SDCCAG8: variants seen among roughly 807,000 people sequenced by gnomAD.
SDCCAG8 encodes serologically defined colon cancer antigen 8.
SDCCAG8 carries 74 observed loss-of-function variants against 101.8 expected under a neutral mutation model. The ratio of observed to expected loss-of-function variants is 0.73; its 90% CI spans 0.60 to 0.88. SDCCAG8 has a LOEUF of 0.88. Among genes scored for constraint, SDCCAG8 ranks in the 40% least tolerant of loss-of-function variants. SDCCAG8 has a pLI of 0.00. For synonymous variants in SDCCAG8, 281 were observed against 292.9 expected, an observed-to-expected ratio of 0.96 and a Z score of 0.41; for missense variants, 787 against 822.6, an observed-to-expected ratio of 0.96 and a Z score of 0.53.
At chr1:243,260,041 G>C (rs183796716) in intron 1 of SDCCAG8, among the ~76,000 whole-genome samples, 1 of 152,292 alleles carries the variant, frequency 6.6e-6, no homozygotes, top group African/African-American at 2.4e-5. Context: ...ACACTTTTCA[G>C]TGGATTTGCT....
At chr1:243,407,215 G>A (rs530195457) in intron 13 of SDCCAG8, among the ~76,000 whole-genome samples, 124 of 152,316 alleles carry the variant, frequency 8.1e-4, no homozygotes, top group Non-Finnish European at 1.2e-3. Context: ...AACCCATCAT[G>A]TGAGGCAGTG....
chr1:243,385,209 G>A (rs2078200745), intron 13 of SDCCAG8, among the ~76,000 whole-genome samples: 1 of 152,032 alleles, frequency 6.6e-6, no homozygotes, highest in Admixed American at 6.6e-5. Context: ...GGGCAACGTG[G>A]CGAAACCCCA....
chr1:243,403,038 CAGTT>C (rs1168376359), intron 13 of SDCCAG8, among the ~76,000 whole-genome samples: 1 of 152,204 alleles, frequency 6.6e-6, no homozygotes, highest in African/African-American at 2.4e-5. Flanking sequence ...ATAAATTTGA[CAGTT>C]AAATAACTAG....
At chr1:243,453,030 A>G (rs1003324528) in intron 16 of SDCCAG8, among the ~76,000 whole-genome samples, 2 of 152,240 alleles carry the variant, frequency 1.3e-5, no homozygotes, top group Non-Finnish European at 2.9e-5. Flanking sequence ...CCTGGAACAT[A>G]GTAGGCACTC....
chr1:243,457,379 A>G (rs2083844557), intron 16 of SDCCAG8, among the ~76,000 whole-genome samples: 2 of 152,228 alleles, frequency 1.3e-5, no homozygotes, highest in Admixed American at 6.5e-5. Flanking sequence ...CTTTCTGTTT[A>G]AAGTGGTCAT....
intron 14 of SDCCAG8, 39 bp downstream of exon 14, chr1:243,415,868 C>A (rs1191528987): frequency 1.2e-6 from 2 of 1,609,056 alleles, no homozygotes; most frequent in Non-Finnish European, 1.7e-6. Context: ...GGCACTAGCT[C>A]ACAAGTCAGG....
At chr1:243,258,416 T>C (rs565205680) in intron 1 of SDCCAG8, among the ~76,000 whole-genome samples, 13 of 152,304 alleles carry the variant, frequency 8.5e-5, no homozygotes, top group African/African-American at 3.1e-4. Flanking sequence ...TATAATTTAT[T>C]TATTTAGAGA....
At position 243,320,670 on chromosome 1, in the gene SDCCAG8, A is replaced by T. The variant is rs187959720; in HGVS notation, c.1068+3777A>T. On this transcript the variant is annotated intron_variant, in intron 9 of 17. Transcript: ENST00000366541. The stretch of plus-strand genomic sequence containing the variant: ...CTTCTCTGTGCCCCAGTTTTTCCTC[A>T]TCTGTAAAATGGAGAAATATGTGAC... 7.9e-5 allele frequency among the ~76,000 whole-genome samples: 12 copies of T among 152,216 alleles called. No individual in the cohort carries two copies. The East Asian group carries it at 2.3e-3, about 29-fold the overall frequency.
intron 16 of SDCCAG8, among the ~76,000 whole-genome samples, chr1:243,456,860 A>G (rs2083797998): frequency 6.6e-6 from 1 of 152,176 alleles, no homozygotes; most frequent in South Asian, 2.1e-4. Flanking sequence ...ATCTTTTGGT[A>G]GATGCTATAT....
In SDCCAG8 at chr1:243,316,873, G is replaced by C; in HGVS notation, c.1048G>C (p.Ala350Pro). The C allele has an allele frequency of 6.2e-7, 1 of 1,613,996 alleles. No individual in the cohort carries two copies. The highest frequency in any genetic ancestry group is 8.5e-7 in the Non-Finnish European group (1 of 1,179,978). The part of the protein sequence containing the change: ...VKQVLQISEE[A>P]NFEKTKALIQ... ...ACAAGTTTTGCAAATATCTGAGGAA[G>C]CCAATTTTGAAAAAACCAAGGCAAG... Residue 350 changes from alanine (A) to proline (P), a missense_variant, in exon 9 of 18, where the codon GCC becomes CCC. Coordinates refer to ENST00000366541, the MANE Select transcript of SDCCAG8 (RefSeq NM_006642.5).
intron 12 of SDCCAG8, among the ~76,000 whole-genome samples, chr1:243,355,587 C>CTTCT (rs1254334287): frequency 6.6e-6 from 1 of 151,934 alleles, no homozygotes; most frequent in Non-Finnish European, 1.5e-5. Flanking sequence ...CTGTTGGACT[C>CTTCT]TTCTTTCTTT....
intron 13 of SDCCAG8, among the ~76,000 whole-genome samples, chr1:243,385,005 C>T (rs1488564911): frequency 2.6e-5 from 4 of 152,112 alleles, no homozygotes; most frequent in Admixed American, 1.3e-4. Context: ...TGTCATAAGA[C>T]GCTGTGCTAG....
rs1309808898 is a variant in SDCCAG8, at chr1:243,330,755, G to T, written c.1221+63G>T. ...AAAGGTTTTTTATGATGCCATTGAT[G>T]ATTCCATAGGCTGGAGTTCTTGAAT... On this transcript the variant is annotated intron_variant, in intron 10 of 17. Transcript: ENST00000366541. The T allele has an allele frequency of 1.2e-5, 18 of 1,524,620 alleles. No homozygotes were observed. In the East Asian group the frequency reaches 2.0e-4, roughly 17 times the overall value. The allele number at this position is 1,524,620 out of a possible 1,614,324, so 94.4% of individuals were successfully genotyped here.
intron 9 of SDCCAG8, among the ~76,000 whole-genome samples, 168 bp from the exon 10 acceptor site, chr1:243,330,372 A>G (rs2074500084): frequency 6.6e-6 from 1 of 152,188 alleles, no homozygotes; most frequent in Admixed American, 6.5e-5. Flanking sequence ...TAACATTTGG[A>G]TACTCTTTTA....
chr1:243,476,880 CTG>C (rs1662516523), intron 16 of SDCCAG8, among the ~76,000 whole-genome samples: 1 of 152,088 alleles, frequency 6.6e-6, no homozygotes, highest in Non-Finnish European at 1.5e-5. Context: ...ATGAAATTGA[CTG>C]TAGTTGGTAA....
intron 10 of SDCCAG8, among the ~76,000 whole-genome samples, chr1:243,332,790 CGGTCTGGAGGTGGTTATCGTAGTCCA>C: frequency 7.2e-6 from 1 of 138,664 alleles, no homozygotes; most frequent in South Asian, 2.4e-4. Flanking sequence ...ATCGTGGTCC[CGGTCTGGAGGTGGTTATCGTAGTCCA>C]GGTCTGGAGG....
chr1:243,340,864 T>C (rs192345207), intron 10 of SDCCAG8, among the ~76,000 whole-genome samples, 175 bp from the exon 11 acceptor site: 1 of 152,304 alleles, frequency 6.6e-6, no homozygotes, highest in African/African-American at 2.4e-5. Flanking sequence ...AAGTACATAT[T>C]TCAGTTCACT....
intron 1 of SDCCAG8, chr1:243,267,560 C>A (rs1192885492): frequency 4.4e-6 from 2 of 458,328 alleles, no homozygotes; most frequent in Non-Finnish European, 8.0e-6. Flanking sequence ...CGAGATTGCG[C>A]CATCGCACTC....
intron 5 of SDCCAG8, among the ~76,000 whole-genome samples, chr1:243,291,590 G>A (rs567642764): frequency 1.3e-5 from 2 of 152,242 alleles, no homozygotes; most frequent in Admixed American, 6.5e-5. Flanking sequence ...TCTTTTTACT[G>A]AAGATAAATA....
Sources: gnomAD v4.1 joint callset for allele counts (sites outside exome capture counted in the v4.1 genomes callset) on GRCh38, gnomAD v4.1.1 for gene constraint, MANE v1.5 for transcripts, NCBI Gene and HGNC (gene_info 2026-07-23, HGNC 2026-07-21) for gene names.